Variants in FMO5 observed in about 807,000 individuals in gnomAD.
FMO5 encodes the protein flavin containing dimethylaniline monoxygenase 5.
FMO5 carries 51 observed loss-of-function variants against 43.6 expected under a neutral mutation model. The observed-to-expected ratio is 1.17, with a 90% confidence interval of 0.93 to 1.48. The LOEUF (loss-of-function observed/expected upper bound fraction) is 1.48. FMO5 is among the 40% of genes most tolerant of loss of function. The probability of loss-of-function intolerance (pLI) is 0.00; values close to 1 mark genes in which losing one functional copy is unlikely to be tolerated. For synonymous variants in FMO5, 187 were observed against 216.5 expected (o/e 0.86, Z 1.20); for missense variants, 644 against 643.0 (o/e 1.00, Z -0.02).
chr1:147,216,001 G>A, intron 2 of FMO5, 59 bp from the exon 3 acceptor site: 1 of 1,319,934 alleles, frequency 7.6e-7, no homozygotes, highest in Non-Finnish European at 1.0e-6. Context: ...TTTTATAATA[G>A]CCAATAGACA....
At chr1:147,226,322 C>T (rs909004786), upstream of FMO5, among the ~76,000 whole-genome samples, 1 of 151,960 alleles carries the variant, frequency 6.6e-6, no homozygotes, top group African/African-American at 2.4e-5. Context: ...TTTTAAATCC[C>T]CATGCACTGA....
At chr1:147,184,622 A>G (rs1655462590), downstream of FMO5, 6 of 1,543,186 alleles carry the variant, frequency 3.9e-6, no homozygotes, top group South Asian at 1.2e-5. This position sits in a 1 kb window ranked among gnomAD's most constrained non-coding sequence, Gnocchi z 4.4. Flanking sequence ...TGTTTTTCTC[A>G]TGGTTAGACT....
intron 6 of FMO5, among the ~76,000 whole-genome samples, chr1:147,201,758 T>C (rs782456832): frequency 4.6e-5 from 7 of 152,132 alleles, no homozygotes; most frequent in Non-Finnish European, 7.4e-5. Flanking sequence ...GGAGTGCATA[T>C]ATGATTTCTC....
downstream of FMO5, chr1:147,184,767 A>C (rs587775965): frequency 2.6e-6 from 3 of 1,139,300 alleles, no homozygotes; most frequent in South Asian, 9.5e-5. This position sits in a 1 kb window ranked among gnomAD's most constrained non-coding sequence, Gnocchi z 4.4. Flanking sequence ...GATAGTGTTT[A>C]TCAGATTTCT....
At chr1:147,195,805 C>A (rs1450184870) in intron 7 of FMO5, among the ~76,000 whole-genome samples, 3 of 152,120 alleles carry the variant, frequency 2.0e-5, no homozygotes, top group Non-Finnish European at 4.4e-5. Flanking sequence ...TTACCTGATA[C>A]AAGCATTCTT....
At chr1:147,199,893 C>T (rs1369355675) in intron 7 of FMO5, among the ~76,000 whole-genome samples, 1 of 152,050 alleles carries the variant, frequency 6.6e-6, no homozygotes. Flanking sequence ...AGGTGTAATT[C>T]CAACAGGAAC....
At chr1:147,195,137 A>G (rs1553919499) in intron 7 of FMO5, among the ~76,000 whole-genome samples, 1 of 152,048 alleles carries the variant, frequency 6.6e-6, no homozygotes, top group Non-Finnish European at 1.5e-5. Context: ...CGTCACTTTC[A>G]GGTTCACCAA....
rs868917260 is a variant in FMO5 at position 147,195,152 on chromosome 1, A to G, written c.1184-4903T>C. Among the ~76,000 whole-genome samples, 22 of 152,160 alleles carry G rather than the reference A, an allele frequency of 1.4e-4. No individual in the cohort carries two copies. The South Asian group carries it at 2.7e-3, about 19-fold the overall frequency. On this transcript the variant is annotated intron_variant, in intron 7 of 8. Coordinates refer to ENST00000254090, the MANE Select transcript of FMO5 (RefSeq NM_001461.4). The stretch of plus-strand genomic sequence containing the variant: ...CGTCACTTTCAGGTTCACCAATCCG[A>G]CGTAGATTTGGTCTTTTCACATAGT...
chr1:147,200,464 G>A (rs1321480892), intron 7 of FMO5, among the ~76,000 whole-genome samples: 1 of 152,072 alleles, frequency 6.6e-6, no homozygotes, highest in African/African-American at 2.4e-5. Flanking sequence ...GTATCATTAG[G>A]TGTGGTCTGG....
chr1:147,206,377 T>C (rs1660049955), intron 6 of FMO5, among the ~76,000 whole-genome samples: 2 of 152,206 alleles, frequency 1.3e-5, no homozygotes, highest in South Asian at 4.1e-4. Context: ...CAAAAAGAAC[T>C]AGAAATACCA....
chr1:147,194,523 G>T (rs1214172656), intron 7 of FMO5, among the ~76,000 whole-genome samples: 1 of 152,090 alleles, frequency 6.6e-6, no homozygotes, highest in Non-Finnish European at 1.5e-5. Context: ...AGTTAATATT[G>T]TTATGTGTGA....
At chr1:147,198,933 G>A (rs1420346135) in intron 7 of FMO5, among the ~76,000 whole-genome samples, 1 of 150,718 alleles carries the variant, frequency 6.6e-6, no homozygotes, top group Non-Finnish European at 1.5e-5. Context: ...GAACTTTAAT[G>A]CCAGCCTATG....
intron 3 of FMO5, among the ~76,000 whole-genome samples, chr1:147,214,455 A>G (rs587614569): frequency 0.064 from 11 of 172 alleles, no homozygotes; most frequent in Admixed American, 0.12. Flanking sequence ...TGTCTGAAAA[A>G]AAACAAAAAA....
In FMO5 at chr1:147,201,312, A is replaced by G. The variant is rs1571243936; in HGVS notation, c.1023T>C (p.Asp341=). The G allele has an allele frequency of 6.2e-7, 1 of 1,614,200 alleles. No individual in the cohort carries two copies. Among genetic ancestry groups the G allele is most frequent in the African/African-American group, 1.3e-5 (1 of 75,052 alleles). Reference sequence around the variant, plus strand: ...TCTTGTTTTTGACCACTTTGACGGAATCTTCCAGAAATGGAAAGTCAAAGC... The same window carrying G: ...TCTTGTTTTTGACCACTTTGACGGAGTCTTCCAGAAATGGAAAGTCAAAGC... The part of the protein sequence containing the change: ...GYSFDFPFLE[D]SVKVVKNKIS... Residue 341 remains aspartate (D), a synonymous_variant, in exon 7 of 9, where the codon GAT becomes GAC. Transcript: ENST00000254090.
At chr1:147,220,079 C>T (rs1662746027) in intron 2 of FMO5, among the ~76,000 whole-genome samples, 1 of 152,118 alleles carries the variant, frequency 6.6e-6, no homozygotes, top group Non-Finnish European at 1.5e-5. Flanking sequence ...ACCTCGTGAT[C>T]CACCCACCTC....
At chr1:147,199,389 A>G (rs1553920437) in intron 7 of FMO5, among the ~76,000 whole-genome samples, 1 of 152,222 alleles carries the variant, frequency 6.6e-6, no homozygotes, top group Non-Finnish European at 1.5e-5. Context: ...GTAAAGTTAG[A>G]GAATTCTGAA....
intron 8 of FMO5, among the ~76,000 whole-genome samples, chr1:147,189,826 C>T (rs782500331): frequency 1.3e-5 from 2 of 152,160 alleles, no homozygotes; most frequent in South Asian, 4.1e-4. Context: ...CATTCATTTA[C>T]TGTCACTCTT....
At chr1:147,210,603 G>A (rs1171387756) in intron 5 of FMO5, 4 of 152,092 alleles carry the variant, frequency 2.6e-5, no homozygotes, top group Non-Finnish European at 1.5e-5. Flanking sequence ...TTTGTGTGCT[G>A]GCTATATAAC....
At position 147,186,779 on chromosome 1, in the gene FMO5, T is replaced by C; in HGVS notation, c.*121A>G. On this transcript the variant is annotated 3_prime_UTR_variant, in exon 9 of 9. Transcript: ENST00000254090. ...GAAAAAGGAAAGTGAATTAATGCTT[T>C]CGAAAGAGACATTAAAGTAGATTTC... 6.8e-7 allele frequency: 1 copy of C among 1,478,558 alleles called. No individual in the cohort carries two copies. The highest frequency in any genetic ancestry group is 8.9e-7 in the Non-Finnish European group (1 of 1,121,592). The allele number at this position is 1,478,558 out of a possible 1,614,324, so 91.6% of individuals were successfully genotyped here.
Sources: allele counts gnomAD v4.1 joint callset (sites outside exome capture counted in the v4.1 genomes callset), GRCh38; gene constraint gnomAD v4.1.1; non-coding constraint Gnocchi (gnomAD v3.1); transcripts MANE v1.5; gene names NCBI Gene and HGNC (gene_info 2026-07-23, HGNC 2026-07-21).